Variants in HERC4 observed in about 807,000 individuals in gnomAD.
HERC4 encodes probable E3 ubiquitin-protein ligase HERC4.
HERC4 carries 28 observed loss-of-function variants against 124.3 expected under a neutral mutation model. That is an observed-to-expected ratio of 0.23 (90% CI 0.17 to 0.31). HERC4 has a LOEUF of 0.31. Ranked by LOEUF, HERC4 falls within the 10% of genes least tolerant of loss-of-function variation. HERC4 has a pLI of 1.00. For synonymous variants in HERC4, 407 were observed against 421.5 expected (o/e 0.97, Z 0.42); for missense variants, 713 against 1,229.3 (o/e 0.58, Z 6.28).
chr10:67,930,992 TTC>T (rs1046480725), intron 23 of HERC4, among the ~76,000 whole-genome samples: 22 of 152,176 alleles, frequency 1.4e-4, no homozygotes, highest in African/African-American at 4.8e-4. Context: ...ACCTAGCACT[TTC>T]TTTCTTTTTG....
At chr10:67,958,943 T>A (rs2034318909) in intron 16 of HERC4, among the ~76,000 whole-genome samples, 1 of 152,166 alleles carries the variant, frequency 6.6e-6, no homozygotes. Context: ...ACTTCTGAAA[T>A]GTTATACAAG....
Position 68,034,140 on chromosome 10 carries a change from A to G in HERC4, c.510T>C (p.Gly170=). The G allele has an allele frequency of 6.2e-7, 1 of 1,614,046 alleles. No homozygotes were observed. The highest frequency in any genetic ancestry group is 8.5e-7 in the Non-Finnish European group (1 of 1,179,988). Residue 170 remains glycine, a synonymous_variant, in exon 6 of 25, where the codon GGT becomes GGC. Coordinates refer to ENST00000373700, the MANE Select transcript of HERC4 (RefSeq NM_015601.4). The part of the protein sequence containing the change: ...CWGQNKYGQL[G]LGTDCKKQTS... ...TTTGCTTTTTACAGTCAGTACCTAA[A>G]CCCAATTGGCCATATTTATTCTGTC...
At chr10:68,047,654 A>G (rs952199283) in intron 3 of HERC4, among the ~76,000 whole-genome samples, 12 of 152,202 alleles carry the variant, frequency 7.9e-5, no homozygotes, top group African/African-American at 2.9e-4. Flanking sequence ...CTTATGTCCC[A>G]TGGGAATTAC....
intron 23 of HERC4, among the ~76,000 whole-genome samples, chr10:67,929,939 G>C (rs545982033): frequency 6.6e-6 from 1 of 151,684 alleles, no homozygotes; most frequent in Non-Finnish European, 1.5e-5. Context: ...TCAGCCTCCC[G>C]AGCAGCTGGG....
chr10:68,019,180 G>A (rs1262972415), intron 8 of HERC4, among the ~76,000 whole-genome samples: 1 of 151,896 alleles, frequency 6.6e-6, no homozygotes, highest in Non-Finnish European at 1.5e-5. Flanking sequence ...ATTTTTAGTA[G>A]AGACAGGGTT....
In HERC4 at chr10:68,012,587, T is replaced by C. The variant is rs184239480; in HGVS notation, c.1069+1439A>G. The stretch of plus-strand genomic sequence containing the variant: ...TATCAATTAGGTTTGTTGTCTTATA[T>C]AGGTAAGGTTCATGGCACCCCAAAA... On this transcript the variant is annotated intron_variant, in intron 9 of 24. Transcript: ENST00000373700. 2.4e-3 allele frequency among the ~76,000 whole-genome samples: 362 copies of C among 152,286 alleles called. 3 individuals carry two copies. The highest frequency in any genetic ancestry group is 0.018 in the South Asian group (85 of 4,828).
intron 19 of HERC4, among the ~76,000 whole-genome samples, chr10:67,943,868 G>A (rs759673487): frequency 1.1e-4 from 17 of 152,234 alleles, no homozygotes; most frequent in Non-Finnish European, 1.8e-4. Context: ...TTATTCTATG[G>A]ATGGGGCCTG....
chr10:68,049,118 CA>C (rs2040158154), intron 3 of HERC4, among the ~76,000 whole-genome samples: 1 of 151,100 alleles, frequency 6.6e-6, no homozygotes, highest in Non-Finnish European at 1.5e-5. Context: ...TATACAATAG[CA>C]AAACACTGGA....
intron 9 of HERC4, among the ~76,000 whole-genome samples, chr10:67,998,602 TATTATTTA>T (rs1433482790): frequency 1.3e-5 from 2 of 151,720 alleles, no homozygotes; most frequent in East Asian, 3.9e-4. Flanking sequence ...TAATTTCAGT[TATTATTTA>T]AAATGTTTTC....
intron 23 of HERC4, among the ~76,000 whole-genome samples, chr10:67,931,080 G>A (rs1414619338): frequency 1.3e-5 from 2 of 152,100 alleles, no homozygotes; most frequent in Non-Finnish European, 2.9e-5. Context: ...CCGCTTCCCG[G>A]GTTCAAGCGA....
intron 5 of HERC4, among the ~76,000 whole-genome samples, chr10:68,036,249 C>T (rs1469199708): frequency 4.7e-5 from 7 of 149,546 alleles, no homozygotes; most frequent in Non-Finnish European, 8.9e-5. Context: ...ACCCAGGAGG[C>T]GGAGCTTGCA....
At chr10:67,969,852 C>A (rs1222426179) in intron 15 of HERC4, among the ~76,000 whole-genome samples, 1 of 152,150 alleles carries the variant, frequency 6.6e-6, no homozygotes, top group African/African-American at 2.4e-5. Context: ...CTACCTAAAA[C>A]CAAGGCTATA....
intron 15 of HERC4, among the ~76,000 whole-genome samples, chr10:67,967,240 T>C (rs1365798453): frequency 2.0e-5 from 3 of 152,214 alleles, no homozygotes; most frequent in Non-Finnish European, 4.4e-5. Context: ...AAATAATTAC[T>C]GAGTGCCTAC....
intron 3 of HERC4, among the ~76,000 whole-genome samples, chr10:68,067,522 C>T (rs1214832560): frequency 6.6e-6 from 1 of 152,014 alleles, no homozygotes; most frequent in Non-Finnish European, 1.5e-5. Flanking sequence ...TATTTTTAAC[C>T]CACCCTTAAG....
At chr10:68,020,726 G>A (rs1370185650) in intron 8 of HERC4, among the ~76,000 whole-genome samples, 2 of 148,434 alleles carry the variant, frequency 1.3e-5, no homozygotes, top group East Asian at 2.0e-4. Context: ...CTGAGATCGC[G>A]CCACTGCACT....
chr10:67,924,951 A>ATGTACT (rs2030714226), intron 24 of HERC4, 134 bp downstream of exon 24: 1 of 495,846 alleles, frequency 2.0e-6, no homozygotes, highest in Non-Finnish European at 3.6e-6. Context: ...CTTTGAAATA[A>ATGTACT]GAAAATACAT....
At chr10:68,044,618 G>A in intron 3 of HERC4, 55 bp from the exon 4 acceptor site, 1 of 1,497,960 alleles carries the variant, frequency 6.7e-7, no homozygotes, top group Non-Finnish European at 9.2e-7. Context: ...CAAGGAAAAA[G>A]ATATTGCATT....
chr10:68,064,721 C>T (rs1360340101), intron 3 of HERC4, among the ~76,000 whole-genome samples: 2 of 151,754 alleles, frequency 1.3e-5, no homozygotes, highest in Non-Finnish European at 2.9e-5. Context: ...ACCTGTAATC[C>T]CAGCACTTTG....
Position 68,059,589 on chromosome 10 carries a change from A to ATAT in HERC4, c.226+13291_226+13293dup, listed in dbSNP as rs1491090390. 7.3e-5 allele frequency among the ~76,000 whole-genome samples: 7 copies of ATAT among 96,414 alleles called. 1 individual carries two copies. The highest frequency in any genetic ancestry group is 3.6e-4 in the African/African-American group (7 of 19,710). The allele number at this position is 96,414 out of a possible 152,430, so 63.3% of individuals were successfully genotyped here. A position where few individuals can be genotyped will look rare whatever the true frequency, so the allele number is the denominator to read the frequency against. Reference sequence around the variant, plus strand: ...AATATTATATATCATATTATATATCATATTATATATCATAATATTATATAT... The same window carrying ATAT: ...AATATTATATATCATATTATATATCATATTATTATATATCATAATATTATATAT... On this transcript the variant is annotated intron_variant, in intron 3 of 24. Transcript: ENST00000373700.
Sources: gnomAD v4.1 joint callset for allele counts (sites outside exome capture counted in the v4.1 genomes callset) on GRCh38, gnomAD v4.1.1 for gene constraint, MANE v1.5 for transcripts, NCBI Gene and HGNC (gene_info 2026-07-23, HGNC 2026-07-21) for gene names.